CPQ: variants seen among roughly 807,000 people sequenced by gnomAD.
CPQ encodes the protein carboxypeptidase Q.
A neutral mutation model predicts 45.7 loss-of-function variants in CPQ; 37 were observed. The ratio of observed to expected loss-of-function variants is 0.81; its 90% confidence interval spans 0.62 to 1.07. The LOEUF (loss-of-function observed/expected upper bound fraction) is 1.07, where lower values mean the gene tolerates loss of function less well. CPQ is among the 50% of genes least tolerant of loss of function. The pLI is 0.00. For synonymous variants in CPQ, 186 were observed against 205.8 expected, an observed-to-expected ratio of 0.90 and a Z score of 0.82; for missense variants, 537 against 572.9, an observed-to-expected ratio of 0.94 and a Z score of 0.64.
At chr8:96,835,462 G>A (rs1276705772) in intron 3 of CPQ, among the ~76,000 whole-genome samples, 2 of 152,138 alleles carry the variant, frequency 1.3e-5, no homozygotes, top group Admixed American at 1.3e-4. Context: ...AATATATTAT[G>A]TATTTTCATT....
At chr8:97,126,905 G>T (rs1044576087) in intron 7 of CPQ, among the ~76,000 whole-genome samples, 1 of 152,122 alleles carries the variant, frequency 6.6e-6, no homozygotes, top group African/African-American at 2.4e-5. Flanking sequence ...AAAGTACAAG[G>T]TTATTCAACG....
At chr8:96,918,879 A>T (rs1039128841) in intron 4 of CPQ, among the ~76,000 whole-genome samples, 14 of 152,068 alleles carry the variant, frequency 9.2e-5, no homozygotes, top group African/African-American at 3.4e-4. Flanking sequence ...TATGCTTTTC[A>T]TACTGCTTTC....
At chr8:97,045,970 G>C (rs1053161289) in intron 6 of CPQ, among the ~76,000 whole-genome samples, 1 of 152,194 alleles carries the variant, frequency 6.6e-6, no homozygotes, top group African/African-American at 2.4e-5. Context: ...TTACTTTAAG[G>C]GCTGAAGATC....
chr8:96,950,609 G>C (rs939959874), intron 4 of CPQ, among the ~76,000 whole-genome samples: 2 of 152,128 alleles, frequency 1.3e-5, no homozygotes, highest in Non-Finnish European at 2.9e-5. Context: ...CACCAGGGGA[G>C]TGTGTCTGTT....
intron 3 of CPQ, among the ~76,000 whole-genome samples, chr8:96,857,122 T>C (rs544760579): frequency 1.3e-5 from 2 of 152,344 alleles, no homozygotes; most frequent in Non-Finnish European, 2.9e-5. Context: ...CTGGCTCTGA[T>C]TGCTAATAGG....
chr8:96,684,212 G>T (rs2130731632), intron 1 of CPQ, among the ~76,000 whole-genome samples: 1 of 152,330 alleles, frequency 6.6e-6, no homozygotes, highest in South Asian at 2.1e-4. Flanking sequence ...TTTTCCTGTA[G>T]ATAATCTATA....
At chr8:96,913,762 C>A (rs1031714523) in intron 4 of CPQ, among the ~76,000 whole-genome samples, 1 of 152,186 alleles carries the variant, frequency 6.6e-6, no homozygotes, top group African/African-American at 2.4e-5. Flanking sequence ...AGTCTAAAGT[C>A]TTGCCTATTG....
intron 1 of CPQ, among the ~76,000 whole-genome samples, chr8:96,712,861 T>C (rs1447747364): frequency 6.6e-6 from 1 of 151,802 alleles, no homozygotes; most frequent in African/African-American, 2.4e-5. Context: ...GCAGCTGGCT[T>C]GAATTTCTCC....
intron 2 of CPQ, among the ~76,000 whole-genome samples, chr8:96,811,343 C>T (rs1247380531): frequency 6.6e-6 from 1 of 152,056 alleles, no homozygotes; most frequent in East Asian, 1.9e-4. Flanking sequence ...GCCCTTGACC[C>T]ACTCTTACTG....
At chr8:97,000,204 G>C (rs1809250919) in intron 5 of CPQ, among the ~76,000 whole-genome samples, 1 of 152,034 alleles carries the variant, frequency 6.6e-6, no homozygotes, top group Admixed American at 6.6e-5. Flanking sequence ...TTACTCTGTT[G>C]ATAGTTTCTT....
intron 6 of CPQ, among the ~76,000 whole-genome samples, chr8:97,052,801 A>C (rs2130508595): frequency 6.6e-6 from 1 of 152,284 alleles, no homozygotes; most frequent in East Asian, 1.9e-4. Flanking sequence ...GTATTTTGAT[A>C]ATTTATGGCC....
At chr8:96,818,461 C>G (rs1474461913) in intron 2 of CPQ, among the ~76,000 whole-genome samples, 1 of 151,942 alleles carries the variant, frequency 6.6e-6, no homozygotes, top group Admixed American at 6.6e-5. Flanking sequence ...AACAACTGCT[C>G]TTGGAAAAAT....
intron 1 of CPQ, among the ~76,000 whole-genome samples, chr8:96,655,795 A>G (rs920218067): frequency 6.6e-6 from 1 of 152,222 alleles, no homozygotes; most frequent in African/African-American, 2.4e-5. Flanking sequence ...AGTCCGTTGT[A>G]AAGTTGTATA....
At chr8:96,975,230 T>A (rs957090885) in intron 5 of CPQ, among the ~76,000 whole-genome samples, 1 of 151,820 alleles carries the variant, frequency 6.6e-6, no homozygotes, top group African/African-American at 2.4e-5. Context: ...TTTACACACA[T>A]AAACTAGAAA....
chr8:97,011,011 G>A (rs185158031), intron 5 of CPQ, among the ~76,000 whole-genome samples: 4 of 152,226 alleles, frequency 2.6e-5, no homozygotes, highest in African/African-American at 9.6e-5. Flanking sequence ...GGCTTTTAAG[G>A]TTTTAGGTTC....
intron 4 of CPQ, among the ~76,000 whole-genome samples, chr8:96,903,611 G>A (rs1479664442): frequency 6.6e-6 from 1 of 152,184 alleles, no homozygotes; most frequent in Non-Finnish European, 1.5e-5. Context: ...CTGAGACCAT[G>A]CTAAGTGCTT....
chr8:96,731,884 C>T (rs1809918637), intron 1 of CPQ, among the ~76,000 whole-genome samples: 2 of 151,776 alleles, frequency 1.3e-5, no homozygotes, highest in Admixed American at 1.3e-4. Flanking sequence ...AACAAAACTC[C>T]CAGATAATAT....
intron 5 of CPQ, among the ~76,000 whole-genome samples, chr8:96,970,249 A>T (rs1813642309): frequency 6.6e-6 from 1 of 152,188 alleles, no homozygotes; most frequent in South Asian, 2.1e-4. Context: ...CGAATCTGGG[A>T]CTAGCCCAGA....
chr8:97,014,041 TG>T (rs1809536477), intron 5 of CPQ, among the ~76,000 whole-genome samples: 1 of 152,108 alleles, frequency 6.6e-6, no homozygotes, highest in Non-Finnish European at 1.5e-5. Context: ...CTGCTATAGG[TG>T]ATAAGGGATG....
Sources: allele counts gnomAD v4.1 joint callset (sites outside exome capture counted in the v4.1 genomes callset), GRCh38; gene constraint gnomAD v4.1.1; transcripts MANE v1.5; gene names NCBI Gene and HGNC (gene_info 2026-07-23, HGNC 2026-07-21).